Variants in TMEM132C observed in about 807,000 individuals in gnomAD.
TMEM132C encodes protein phosphatase 1, regulatory subunit 152.
TMEM132C carries 29 observed loss-of-function variants against 61.4 expected under a neutral mutation model. The ratio of observed to expected loss-of-function variants is 0.47; its 90% CI spans 0.35 to 0.64. TMEM132C has a LOEUF of 0.64. Among genes scored for constraint, TMEM132C ranks in the 30% least tolerant of loss-of-function variants. The pLI is 0.00. For missense variants in TMEM132C, 1,408 were observed against 1,476.9 expected (o/e 0.95, Z 0.76); for synonymous variants, 656 against 633.1 (o/e 1.04, Z -0.54).
At chr12:128,355,798 A>G (rs1273372752) in intron 1 of TMEM132C, among the ~76,000 whole-genome samples, 1 of 151,766 alleles carries the variant, frequency 6.6e-6, no homozygotes, top group Non-Finnish European at 1.5e-5. Context: ...CCCCTCCCAC[A>G]TCTGCATGGT....
intron 2 of TMEM132C, among the ~76,000 whole-genome samples, chr12:128,521,379 CGTTG>C (rs1160048592): frequency 6.6e-6 from 1 of 151,352 alleles, no homozygotes; most frequent in East Asian, 1.9e-4. Context: ...ACATGTGTCA[CGTTG>C]GTTTGCTGCA....
chr12:128,269,347 C>CGTGTGT (rs58843737), intron 1 of TMEM132C, among the ~76,000 whole-genome samples: 4,963 of 142,374 alleles, frequency 0.035, 106 homozygotes, highest in Middle Eastern at 0.035. Context: ...GCTCACATTC[C>CGTGTGT]GTGTGTGTGT....
chr12:128,327,183 G>A lies in TMEM132C; in HGVS notation c.85+59696G>A, dbSNP rs191284644. Among the ~76,000 whole-genome samples, 21 of 150,004 alleles carry A rather than the reference G, an allele frequency of 1.4e-4. 1 individual carries two copies. Among genetic ancestry groups the A allele is most frequent in the Admixed American group, 1.0e-3 (16 of 15,250 alleles). Reference sequence around the variant, plus strand: ...GATTGCTTAATAAGGAAGACAGGTAGAAACAAACAAGAAAATATCAGTTGT... The same window carrying A: ...GATTGCTTAATAAGGAAGACAGGTAAAAACAAACAAGAAAATATCAGTTGT... On this transcript the variant is annotated intron_variant, in intron 1 of 8. Transcript: ENST00000435159.
rs922024365 is a variant in TMEM132C at position 128,546,606 on chromosome 12, A to G, written c.1121+2503A>G. The stretch of plus-strand genomic sequence containing the variant: ...TTGGCAGACTGTGGACAAGAGGAAG[A>G]TCTGAATCTGCAGAAATAGAGAATA... On this transcript the variant is annotated intron_variant, in intron 3 of 8. Transcript: ENST00000435159. Among the ~76,000 whole-genome samples the G allele has an allele frequency of 3.3e-5, 5 of 152,084 alleles. No individual in the cohort carries two copies. In the South Asian group the frequency reaches 1.0e-3, roughly 32 times the overall value.
At chr12:128,430,206 C>T (rs1046287177) in intron 2 of TMEM132C, among the ~76,000 whole-genome samples, 7 of 152,208 alleles carry the variant, frequency 4.6e-5, no homozygotes, top group East Asian at 1.9e-4. Flanking sequence ...CACCCCACTT[C>T]GCTTCGTATG....
intron 2 of TMEM132C, among the ~76,000 whole-genome samples, chr12:128,482,584 G>A (rs895485190): frequency 5.3e-5 from 8 of 152,088 alleles, no homozygotes; most frequent in East Asian, 1.9e-4. Context: ...GGTAGAATTC[G>A]ACTGTGAATT....
chr12:128,645,152 T>C (rs1216864289), intron 4 of TMEM132C, among the ~76,000 whole-genome samples: 2 of 152,108 alleles, frequency 1.3e-5, no homozygotes, highest in Admixed American at 6.5e-5. Context: ...CCTGGGAAAC[T>C]AGATGTGGTT....
chr12:128,540,605 G>A (rs1023646159), intron 2 of TMEM132C, among the ~76,000 whole-genome samples: 2 of 152,114 alleles, frequency 1.3e-5, no homozygotes, highest in Non-Finnish European at 2.9e-5. Context: ...CTGTATTTCT[G>A]GTAGGTTGCT....
At chr12:128,697,195 ATTTTCC>A (rs1405379511) in intron 7 of TMEM132C, 23 bp from the exon 8 acceptor site, 1 of 1,478,696 alleles carries the variant, frequency 6.8e-7, no homozygotes, top group Non-Finnish European at 9.1e-7. Flanking sequence ...GGTGTGATGG[ATTTTCC>A]TTGTGTCCTG....
At position 128,496,873 on chromosome 12, in the gene TMEM132C, G is replaced by A. The variant is rs575975784; in HGVS notation, c.975-47084G>A. Among the ~76,000 whole-genome samples, 12 of 152,316 alleles carry A rather than the reference G, an allele frequency of 7.9e-5. No homozygotes were observed. The South Asian group carries it at 1.7e-3, about 21-fold the overall frequency. ...CATCCAGCTTTGTTCCATTGCTGGCGAGGAGCTGCATTCTTTTGGAAGGGG... is the reference window on the plus strand; with the variant it reads ...CATCCAGCTTTGTTCCATTGCTGGCAAGGAGCTGCATTCTTTTGGAAGGGG... On this transcript the variant is annotated intron_variant, in intron 2 of 8. Transcript: ENST00000435159.
chr12:128,695,893 A>G lies in TMEM132C; in HGVS notation c.1719A>G (p.Gln573=), dbSNP rs2135654882. The G allele has an allele frequency of 6.4e-7, 1 of 1,551,518 alleles. No individual in the cohort carries two copies. The highest frequency in any genetic ancestry group is 1.4e-5 in the African/African-American group (1 of 73,180). The part of the protein sequence containing the change: ...EERRGRGCAL[Q]YQHATVRVLT... ...GGCGGGGCCGGGGCTGCGCACTGCA[A>G]TACCAGCACGCCACCGTGCGGGTCC... The change falls in exon 7 of 9, where the codon CAA becomes CAG. Residue 573 remains glutamine (Q), a synonymous_variant. Transcript: ENST00000435159.
intron 4 of TMEM132C, among the ~76,000 whole-genome samples, chr12:128,657,932 C>A (rs2135617839): frequency 6.6e-6 from 1 of 152,354 alleles, no homozygotes; most frequent in Admixed American, 6.5e-5. Context: ...GTCCTCTTGC[C>A]TACAACCCTA....
At chr12:128,705,040 A>C in intron 8 of TMEM132C, 50 bp from the exon 9 acceptor site, 1 of 1,461,294 alleles carries the variant, frequency 6.8e-7, no homozygotes, top group Non-Finnish European at 9.1e-7. Context: ...GGGGTTTCTA[A>C]GGGAAAAGGC....
chr12:128,657,515 G>A (rs1286822110), intron 4 of TMEM132C, among the ~76,000 whole-genome samples: 2 of 152,012 alleles, frequency 1.3e-5, no homozygotes, highest in African/African-American at 4.8e-5. Context: ...GGTGACACCG[G>A]GGCTCAATCT....
intron 4 of TMEM132C, among the ~76,000 whole-genome samples, chr12:128,652,980 T>C (rs1954287506): frequency 6.6e-6 from 1 of 152,188 alleles, no homozygotes; most frequent in Non-Finnish European, 1.5e-5. Flanking sequence ...TACTTAAATG[T>C]TCGTAGCAGC....
intron 4 of TMEM132C, among the ~76,000 whole-genome samples, chr12:128,632,459 C>A (rs533309970): frequency 1.3e-5 from 2 of 152,284 alleles, no homozygotes; most frequent in African/African-American, 4.8e-5. Context: ...TCCATACAGA[C>A]TTAATTGATG....
At chr12:128,493,932 T>G (rs1186698836) in intron 2 of TMEM132C, among the ~76,000 whole-genome samples, 1 of 152,192 alleles carries the variant, frequency 6.6e-6, no homozygotes, top group East Asian at 1.9e-4. Flanking sequence ...TGTGCCAGTT[T>G]TCAAAGGAAA....
At chr12:128,664,111 C>T (rs7299361) in intron 4 of TMEM132C, among the ~76,000 whole-genome samples, 36,053 of 145,362 alleles carry the variant, frequency 0.25, 4,352 homozygotes, top group South Asian at 0.34. Context: ...CACAGGCACA[C>T]GCACCCGCAC....
rs552886346 is a variant in TMEM132C, at chr12:128,371,097, C to T, written c.86-43635C>T. Among the ~76,000 whole-genome samples, 9 of 152,114 alleles carry T rather than the reference C, an allele frequency of 5.9e-5. No homozygotes were observed. In the South Asian group the frequency reaches 6.2e-4, roughly 11 times the overall value. ...CGTCTAACATGGATGGGATGTTAGC[C>T]GCATCTAACATCCTAACATAGTAGG... On this transcript the variant is annotated intron_variant, in intron 1 of 8. Coordinates refer to ENST00000435159, the MANE Select transcript of TMEM132C (RefSeq NM_001136103.3).
Sources: gnomAD v4.1 joint callset for allele counts (sites outside exome capture counted in the v4.1 genomes callset) on GRCh38, gnomAD v4.1.1 for gene constraint, MANE v1.5 for transcripts, NCBI Gene and HGNC (gene_info 2026-07-23, HGNC 2026-07-21) for gene names.